SCN2B: variants seen among roughly 807,000 people sequenced by gnomAD.
The protein encoded by SCN2B is sodium voltage-gated channel beta subunit 2, also known as sodium channel regulatory subunit beta-2.
In SCN2B, 14 loss-of-function variants were observed where a neutral mutation model predicts 18.2. The ratio of observed to expected loss-of-function variants is 0.77; its 90% CI spans 0.51 to 1.21. SCN2B has a LOEUF of 1.21. Ranked by LOEUF, SCN2B falls within the 50% of genes most tolerant of loss-of-function variation. The pLI, the probability that SCN2B is intolerant of heterozygous loss-of-function variation, is 0.00. For synonymous variants in SCN2B, 115 were observed against 115.3 expected, an observed-to-expected ratio of 1.00 and a Z score of 0.02; for missense variants, 262 against 286.9, an observed-to-expected ratio of 0.91 and a Z score of 0.63.
In SCN2B at chr11:118,168,042, G is replaced by C. The variant is rs1447143792; in HGVS notation, c.448+43C>G. The stretch of plus-strand genomic sequence containing the variant: ...AGCAAATGCCGCAGAGAGTAGGTGG[G>C]TGGGAAAGGTCAGGGCCCCGCAGCT... On this transcript the variant is annotated intron_variant, in intron 3 of 3. Transcript: ENST00000278947. This position sits in a 1 kb window ranked among gnomAD's most constrained non-coding sequence, Gnocchi z 4.7. The C allele has an allele frequency of 6.5e-7, 1 of 1,541,972 alleles. No homozygotes were observed. Among genetic ancestry groups the C allele is most frequent in the Non-Finnish European group, 8.9e-7 (1 of 1,122,642 alleles).
intron 1 of SCN2B, among the ~76,000 whole-genome samples, chr11:118,173,062 C>G (rs1390380828): frequency 5.3e-5 from 8 of 152,100 alleles, no homozygotes; most frequent in Non-Finnish European, 1.0e-4. Context: ...AGTCCATCCC[C>G]GTGCAGCCAG....
chr11:118,175,191 A>G (rs1948459811), intron 1 of SCN2B, among the ~76,000 whole-genome samples: 1 of 152,190 alleles, frequency 6.6e-6, no homozygotes, highest in Non-Finnish European at 1.5e-5. Context: ...CCAAATCACA[A>G]ACACGTCAGG....
At position 118,166,909 on chromosome 11, in the gene SCN2B, T is replaced by G. The variant is rs201269831; in HGVS notation, c.626A>C (p.Asn209Thr). 223 of 1,614,020 alleles carry G rather than the reference T, an allele frequency of 1.4e-4. No individual in the cohort carries two copies. The highest frequency in any genetic ancestry group is 1.6e-4 in the Middle Eastern group (1 of 6,062). The part of the protein sequence containing the change: ...EEEGKTDGEG[N>T]PDDGAK ...CCACTACTTGGCGCCATCATCCGGG[T>G]TGCCTTCACCGTCCGTCTTGCCCTC... is the stretch of plus-strand genomic sequence containing the variant. The change falls in exon 4 of 4, where the codon AAC becomes ACC. Residue 209 changes from asparagine to threonine, a missense_variant. Coordinates refer to ENST00000278947, the MANE Select transcript of SCN2B (RefSeq NM_004588.5).
Position 118,168,665 on chromosome 11 carries a change from T to G in SCN2B, c.157A>C (p.Asn53His). ...TTGTGGTTCACTGTGTAGCAGGAGT[T>G]GAAGGTGCAGGGCAGGCGGGCGTCA... Reference protein sequence around the residue: ...GSDARLPCTFNSCYTVNHKQF... With the variant: ...GSDARLPCTFHSCYTVNHKQF... The change falls in exon 2 of 4, where the codon AAC (asparagine) becomes CAC (histidine). Residue 53 changes from asparagine (N) to histidine (H), a missense_variant. Coordinates refer to ENST00000278947, the MANE Select transcript of SCN2B (RefSeq NM_004588.5). This position sits in a 1 kb window ranked among gnomAD's most constrained non-coding sequence, Gnocchi z 4.7. 4 of 1,614,152 alleles carry G rather than the reference T, an allele frequency of 2.5e-6. No homozygotes were observed. The highest frequency in any genetic ancestry group is 2.5e-6 in the Non-Finnish European group (3 of 1,180,014).
intron 1 of SCN2B, among the ~76,000 whole-genome samples, chr11:118,171,741 G>GC (rs1948432738): frequency 6.6e-6 from 1 of 152,206 alleles, no homozygotes; most frequent in Non-Finnish European, 1.5e-5. Context: ...TGCAATGCGG[G>GC]CTCCCCCTCC....
At position 118,166,895 on chromosome 11, in the gene SCN2B, C is replaced by A. The variant is rs200264107; in HGVS notation, c.640G>T (p.Ala214Ser). 5 of 1,613,994 alleles carry A rather than the reference C, an allele frequency of 3.1e-6. No individual in the cohort carries two copies. The highest frequency in any genetic ancestry group is 4.2e-6 in the Non-Finnish European group (5 of 1,180,022). ...TDGEGNPDDG[A>S]K ...GCAGGGCCGGCCACCCACTACTTGG[C>A]GCCATCATCCGGGTTGCCTTCACCG... The change falls in exon 4 of 4, where the codon GCC becomes TCC. Residue 214 changes from alanine to serine, a missense_variant. Ala to Ser is a moderately conservative substitution (Grantham distance 99). Transcript: ENST00000278947.
In SCN2B at chr11:118,168,132, T is replaced by G. The variant is rs1481551434; in HGVS notation, c.401A>C (p.Asp134Ala). 6.2e-7 allele frequency: 1 copy of G among 1,613,976 alleles called. No homozygotes were observed. The highest frequency in any genetic ancestry group is 8.5e-7 in the Non-Finnish European group (1 of 1,180,024). The change falls in exon 3 of 4, where the codon GAC becomes GCC. Residue 134 changes from aspartate to alanine, a missense_variant. Physicochemically the swap from Asp to Ala is moderately radical, Grantham distance 126 (BLOSUM62 -2). Transcript: ENST00000278947. The surrounding 1 kb of genome is among the most constrained non-coding windows in gnomAD (Gnocchi z 4.7). ...IYNCYIMNPP[D>A]RHRGHGKIHL... The stretch of plus-strand genomic sequence containing the variant: ...GATCTTGCCATGGCCACGGTGGCGG[T>G]CAGGGGGGTTCATGATGTAGCAGTT...
chr11:118,166,047 CCAT>C lies in SCN2B; in HGVS notation c.*837_*839del, dbSNP rs1004710025. On this transcript the variant is annotated 3_prime_UTR_variant, in exon 4 of 4. Transcript: ENST00000278947. ...CCCTGCCCAGGCGAGGGTGGTTACC[CCAT>C]GGAGAAGGCAGAGCCTGCAGCAACC... The C allele has an allele frequency of 2.0e-5, 3 of 152,348 alleles. No homozygotes were observed. Among genetic ancestry groups the C allele is most frequent in the Admixed American group, 2.0e-4 (3 of 15,290 alleles). 9.4% of individuals were successfully genotyped at this position (152,348 alleles called of 1,614,324 possible).
chr11:118,168,819 G>A lies in SCN2B; in HGVS notation c.71-68C>T, dbSNP rs1948407516. 20 of 1,572,528 alleles carry A rather than the reference G, an allele frequency of 1.3e-5. No homozygotes were observed. Among genetic ancestry groups the A allele is most frequent in the Non-Finnish European group, 1.7e-5 (19 of 1,143,988 alleles). ...GGCTGGGGAGGGGCAAGCCCTCTGT[G>A]CCTGGGAGTGTTGGGGGATGAGGCA... On this transcript the variant is annotated intron_variant, in intron 1 of 3. Coordinates refer to ENST00000278947, the MANE Select transcript of SCN2B (RefSeq NM_004588.5). The surrounding 1 kb of genome is among the most constrained non-coding windows in gnomAD (Gnocchi z 4.7).
At position 118,167,027 on chromosome 11, in the gene SCN2B, G is replaced by C; in HGVS notation, c.508C>G (p.Leu170Val). ...ATCAGCACCAAGATGACCACAGCCAGGAAGCCCCCGACGGAGGCACCCACA... is the reference window on the plus strand; with the variant it reads ...ATCAGCACCAAGATGACCACAGCCACGAAGCCCCCGACGGAGGCACCCACA... Reference protein sequence around the residue: ...VIVGASVGGFLAVVILVLMVV... With the variant: ...VIVGASVGGFVAVVILVLMVV... The change falls in exon 4 of 4, where the codon CTG becomes GTG. Residue 170 changes from leucine to valine, a missense_variant. Physicochemically the swap from Leu to Val is conservative, Grantham distance 32. Transcript: ENST00000278947. 6.2e-7 allele frequency: 1 copy of C among 1,613,854 alleles called. No individual in the cohort carries two copies.
intron 1 of SCN2B, among the ~76,000 whole-genome samples, chr11:118,169,361 C>A (rs1388151011): frequency 6.6e-6 from 1 of 152,170 alleles, no homozygotes; most frequent in Non-Finnish European, 1.5e-5. Flanking sequence ...GCCTCAGTTT[C>A]CCCCTTATTC....
Position 118,168,911 on chromosome 11 carries a change from G to C in SCN2B, c.71-160C>G, listed in dbSNP as rs1163340824. On this transcript the variant is annotated intron_variant, in intron 1 of 3. Coordinates refer to ENST00000278947, the MANE Select transcript of SCN2B (RefSeq NM_004588.5). This position sits in a 1 kb window ranked among gnomAD's most constrained non-coding sequence, Gnocchi z 4.7. ...AGTTAATCAGGAGGTGGGAGTTACT[G>C]TTATTTGCAACAGGGTCTCTGTTGC... Among the ~76,000 whole-genome samples the C allele has an allele frequency of 6.6e-6, 1 of 152,140 alleles. No homozygotes were observed. The highest frequency in any genetic ancestry group is 1.5e-5 in the Non-Finnish European group (1 of 68,022).
chr11:118,173,906 A>ACTTT lies in SCN2B; in HGVS notation c.70+2452_70+2455dup, dbSNP rs111226922. Among the ~76,000 whole-genome samples, 959 of 151,494 alleles carry ACTTT rather than the reference A, an allele frequency of 6.3e-3. 4 individuals carry two copies. Among genetic ancestry groups the ACTTT allele is most frequent in the African/African-American group, 0.015 (611 of 41,252 alleles). Reference sequence around the variant, plus strand: ...TGGGCTAGAGTGAGGACTAGACTTCACTTTCTTTCTTTCTTTCTTTCTTTC... The same window carrying ACTTT: ...TGGGCTAGAGTGAGGACTAGACTTCACTTTCTTTCTTTCTTTCTTTCTTTCTTTC... On this transcript the variant is annotated intron_variant, in intron 1 of 3. Transcript: ENST00000278947.
chr11:118,176,264 CG>C, intron 1 of SCN2B, 97 bp downstream of exon 1: 1 of 1,141,484 alleles, frequency 8.8e-7, no homozygotes, highest in South Asian at 1.2e-5. Flanking sequence ...AGAGGGAAAG[CG>C]CTAGCAATGT....
chr11:118,166,583 T>G lies in SCN2B; in HGVS notation c.*304A>C, dbSNP rs1464272627. 9.0e-6 allele frequency: 4 copies of G among 444,246 alleles called. No individual in the cohort carries two copies. The Admixed American group carries it at 1.4e-4, about 15-fold the overall frequency. The allele number at this position is 444,246 out of a possible 1,614,324, so 27.5% of individuals were successfully genotyped here. The stretch of plus-strand genomic sequence containing the variant: ...CCCTCCTCTACCCCTGCCCACCCAC[T>G]CCCTTCTCTCTGGGGACCCTCACAT... On this transcript the variant is annotated 3_prime_UTR_variant, in exon 4 of 4. Transcript: ENST00000278947.
At chr11:118,167,976 C>T (rs1465760098) in intron 3 of SCN2B, 109 bp downstream of exon 3, 6 of 850,444 alleles carry the variant, frequency 7.1e-6, no homozygotes, top group African/African-American at 1.7e-5. Flanking sequence ...CAAATGGTTG[C>T]TCCCATCCTC....
chr11:118,171,247 C>T (rs1948429016), intron 1 of SCN2B, among the ~76,000 whole-genome samples: 1 of 152,162 alleles, frequency 6.6e-6, no homozygotes, highest in Non-Finnish European at 1.5e-5. Context: ...CTTAAGTGCT[C>T]ATTAGGGGAA....
At position 118,168,053 on chromosome 11, in the gene SCN2B, C is replaced by A; in HGVS notation, c.448+32G>T. The A allele has an allele frequency of 6.3e-7, 1 of 1,586,556 alleles. No homozygotes were observed. Among genetic ancestry groups the A allele is most frequent in the Middle Eastern group, 1.7e-4 (1 of 5,908 alleles). Reference sequence around the variant, plus strand: ...CAGAGAGTAGGTGGGTGGGAAAGGTCAGGGCCCCGCAGCTGGCACCCCAGC... The same window carrying A: ...CAGAGAGTAGGTGGGTGGGAAAGGTAAGGGCCCCGCAGCTGGCACCCCAGC... On this transcript the variant is annotated intron_variant, in intron 3 of 3. Transcript: ENST00000278947. This position sits in a 1 kb window ranked among gnomAD's most constrained non-coding sequence, Gnocchi z 4.7.
intron 1 of SCN2B, among the ~76,000 whole-genome samples, 176 bp downstream of exon 1, chr11:118,176,186 A>C (rs982492555): frequency 7.9e-5 from 12 of 152,150 alleles, no homozygotes; most frequent in Non-Finnish European, 1.8e-4. Context: ...GTGACTAAGT[A>C]GTCCCAGGGT....
Sources: allele counts gnomAD v4.1 joint callset (sites outside exome capture counted in the v4.1 genomes callset), GRCh38; gene constraint gnomAD v4.1.1; non-coding constraint Gnocchi (gnomAD v3.1); transcripts MANE v1.5; gene names NCBI Gene and HGNC (gene_info 2026-07-23, HGNC 2026-07-21).